The following PTPRT variants were observed in gnomAD, a reference collection of about 807,000 sequenced individuals.
PTPRT encodes protein tyrosine phosphatase receptor type T, also known as receptor-type tyrosine-protein phosphatase T.
Under a neutral mutation model 176.8 loss-of-function variants are expected in PTPRT, and 56 were observed. The ratio of observed to expected loss-of-function variants is 0.32; its 90% CI spans 0.26 to 0.40. PTPRT has a LOEUF of 0.40. PTPRT is among the 10% of genes least tolerant of loss of function. The probability of loss-of-function intolerance (pLI) is 1.00; values close to 1 mark genes in which losing one functional copy is unlikely to be tolerated. For synonymous variants in PTPRT, 783 were observed against 739.0 expected, an observed-to-expected ratio of 1.06 and a Z score of -0.96; for missense variants, 1,540 against 1,908.2, an observed-to-expected ratio of 0.81 and a Z score of 3.60.
rs185874710 is a variant in PTPRT, at chr20:42,948,617, A to C, written c.89-62685T>G. 9.3e-4 allele frequency among the ~76,000 whole-genome samples: 141 copies of C among 151,982 alleles called. 1 individual carries two copies. Among genetic ancestry groups the C allele is most frequent in the Middle Eastern group, 3.4e-3 (1 of 294 alleles). ...TCCAGGAGTTCAGCCAGCTCACACA[A>C]AAAAAAATGCAAAGTGAAGAGATAA... On this transcript the variant is annotated intron_variant, in intron 1 of 30. Transcript: ENST00000373187.
intron 7 of PTPRT, among the ~76,000 whole-genome samples, chr20:42,675,576 ATCT>A (rs2146053997): frequency 6.6e-6 from 1 of 152,358 alleles, no homozygotes; most frequent in East Asian, 1.9e-4. Context: ...ATAAGCAATC[ATCT>A]TCTTAAGCTT....
downstream of PTPRT, among the ~76,000 whole-genome samples, chr20:42,072,591 G>A (rs1211959235): frequency 1.3e-5 from 2 of 152,164 alleles, no homozygotes; most frequent in Non-Finnish European, 2.9e-5. Context: ...TGATGTTTCT[G>A]AGCCTCAACT....
chr20:42,948,980 C>T (rs1981063175), intron 1 of PTPRT, among the ~76,000 whole-genome samples: 2 of 152,188 alleles, frequency 1.3e-5, no homozygotes, highest in Non-Finnish European at 2.9e-5. Context: ...GAGCTGCTCA[C>T]CATGTACACA....
At chr20:42,123,167 C>A (rs1233123449) in intron 19 of PTPRT, among the ~76,000 whole-genome samples, 1 of 152,074 alleles carries the variant, frequency 6.6e-6, no homozygotes, top group Non-Finnish European at 1.5e-5. Context: ...AATGCTCAGG[C>A]TGGAAGAAAA....
At chr20:42,379,459 G>C (rs1234821695) in intron 9 of PTPRT, among the ~76,000 whole-genome samples, 1 of 152,196 alleles carries the variant, frequency 6.6e-6, no homozygotes, top group African/African-American at 2.4e-5. Context: ...CTCATGGGGA[G>C]ACCCTAGAAC....
intron 1 of PTPRT, among the ~76,000 whole-genome samples, chr20:43,168,801 C>A (rs2014921864): frequency 6.6e-6 from 1 of 152,134 alleles, no homozygotes; most frequent in South Asian, 2.1e-4. Context: ...TCCCACCGTG[C>A]CTTCATTCAA....
At chr20:42,125,148 A>G (rs1301516589) in intron 19 of PTPRT, among the ~76,000 whole-genome samples, 2 of 152,126 alleles carry the variant, frequency 1.3e-5, no homozygotes, top group Non-Finnish European at 2.9e-5. Flanking sequence ...TTGTTAGCCT[A>G]GTGATACTGC....
intron 9 of PTPRT, among the ~76,000 whole-genome samples, chr20:42,434,336 A>G (rs192879591): frequency 4.7e-4 from 72 of 152,296 alleles, no homozygotes; most frequent in African/African-American, 1.7e-3. Context: ...ATTTTTATTT[A>G]TTAAACAAAT....
intron 2 of PTPRT, among the ~76,000 whole-genome samples, chr20:42,853,266 G>A (rs1042590319): frequency 1.4e-4 from 22 of 152,128 alleles, no homozygotes; most frequent in South Asian, 2.1e-4. Flanking sequence ...AAATAGAACC[G>A]ACAGAATATA....
chr20:43,141,331 T>C (rs1278057115), intron 1 of PTPRT, among the ~76,000 whole-genome samples: 3 of 152,210 alleles, frequency 2.0e-5, no homozygotes, highest in Admixed American at 2.0e-4. Context: ...GGCTCAGTTA[T>C]GCATCTGTGA....
the PTPRT span, among the ~76,000 whole-genome samples, chr20:42,059,294 A>G: frequency 1.2e-4 from 18 of 152,126 alleles, no homozygotes; most frequent in African/African-American, 4.3e-4. Context: ...GGAAGATAGA[A>G]AGTGCTCAGC....
intron 1 of PTPRT, among the ~76,000 whole-genome samples, chr20:43,034,443 G>A (rs576342967): frequency 6.6e-6 from 1 of 151,612 alleles, no homozygotes; most frequent in African/African-American, 2.4e-5. Context: ...GGCTACTGCA[G>A]AAAAAGTCAG....
chr20:42,476,444 G>C (rs574122293), intron 7 of PTPRT, among the ~76,000 whole-genome samples: 1 of 152,104 alleles, frequency 6.6e-6, no homozygotes, highest in Non-Finnish European at 1.5e-5. Context: ...ATCTCCTGTG[G>C]GTTCTAGAAA....
Position 42,491,462 on chromosome 20 carries a change from C to A in PTPRT, c.1154-18900G>T, listed in dbSNP as rs6030278. On this transcript the variant is annotated intron_variant, in intron 7 of 30. Coordinates refer to ENST00000373187, the MANE Select transcript of PTPRT (RefSeq NM_007050.6). Reference sequence around the variant, plus strand: ...TTCACACTGTGGTTGACTGTAATTGCAACCAAGAAAAGTGAAACTGTGGAT... The same window carrying A: ...TTCACACTGTGGTTGACTGTAATTGAAACCAAGAAAAGTGAAACTGTGGAT... Among the ~76,000 whole-genome samples, 1,165 of 152,228 alleles carry A rather than the reference C, an allele frequency of 7.7e-3. 19 individuals are homozygous for A. Among genetic ancestry groups the A allele is most frequent in the African/African-American group, 0.026 (1,094 of 41,538 alleles).
At chr20:42,973,327 G>GCTGCC (rs1982764446) in intron 1 of PTPRT, among the ~76,000 whole-genome samples, 1 of 152,102 alleles carries the variant, frequency 6.6e-6, no homozygotes, top group Non-Finnish European at 1.5e-5. Context: ...TCCTCCCCAA[G>GCTGCC]TCTTCATGTG....
intron 1 of PTPRT, among the ~76,000 whole-genome samples, chr20:43,045,042 TCTC>T (rs1176829183): frequency 3.3e-5 from 5 of 152,154 alleles, no homozygotes; most frequent in African/African-American, 4.8e-5. Context: ...GGAAGGAACA[TCTC>T]CTCAGGAAAA....
intron 1 of PTPRT, among the ~76,000 whole-genome samples, chr20:43,004,229 T>A: frequency 6.7e-6 from 1 of 149,140 alleles, no homozygotes; most frequent in Non-Finnish European, 1.5e-5. Context: ...GATTATTATC[T>A]ACAATGTACA....
Position 42,633,896 on chromosome 20 carries a change from A to AT in PTPRT, c.1153+43969dup, listed in dbSNP as rs2074483831. On this transcript the variant is annotated intron_variant, in intron 7 of 30. Transcript: ENST00000373187. ...TAATATATTATAATATAATTATTATATATAATATAATATATAATTATATAT... is the reference window on the plus strand; with the variant it reads ...TAATATATTATAATATAATTATTATATTATAATATAATATATAATTATATAT... 8.5e-5 allele frequency among the ~76,000 whole-genome samples: 5 copies of AT among 58,950 alleles called. No individual in the cohort carries two copies. The South Asian group carries it at 2.1e-3, about 24-fold the overall frequency. 38.7% of individuals were successfully genotyped at this position (58,950 alleles called of 152,430 possible). A position where few individuals can be genotyped will look rare whatever the true frequency, so the allele number is the denominator to read the frequency against.
chr20:42,297,514 T>C (rs2057404714), intron 12 of PTPRT, among the ~76,000 whole-genome samples: 2 of 152,186 alleles, frequency 1.3e-5, no homozygotes, highest in Non-Finnish European at 2.9e-5. Context: ...ATAGACTTTT[T>C]ATGAATCTGG....
Sources: gnomAD v4.1 joint callset for allele counts (sites outside exome capture counted in the v4.1 genomes callset) on GRCh38, gnomAD v4.1.1 for gene constraint, MANE v1.5 for transcripts, NCBI Gene and HGNC (gene_info 2026-07-23, HGNC 2026-07-21) for gene names.